TMEM50B: variants seen among roughly 807,000 people sequenced by gnomAD.
TMEM50B encodes transmembrane protein 50B, also known as HCV p7-trans-regulated protein 3.
A neutral mutation model predicts 23.4 loss-of-function variants in TMEM50B; 14 were observed. That is an observed-to-expected ratio of 0.60 (90% CI 0.39 to 0.93). TMEM50B has a LOEUF of 0.93. Among genes scored for constraint, TMEM50B ranks in the 40% least tolerant of loss-of-function variants. The probability of loss-of-function intolerance (pLI) is 0.00; values close to 1 mark genes in which losing one functional copy is unlikely to be tolerated. For synonymous variants in TMEM50B, 64 were observed against 62.3 expected, an observed-to-expected ratio of 1.03 and a Z score of -0.13; for missense variants, 159 against 193.0, an observed-to-expected ratio of 0.82 and a Z score of 1.04.
At chr21:33,453,864 G>A (rs2084144614) in intron 6 of TMEM50B, among the ~76,000 whole-genome samples, 2 of 152,104 alleles carry the variant, frequency 1.3e-5, no homozygotes, top group Admixed American at 6.5e-5. Flanking sequence ...ACCACTTTGG[G>A]AGGCTGAGGT....
At chr21:33,471,754 G>T (rs1361655529) in intron 1 of TMEM50B, among the ~76,000 whole-genome samples, 3 of 152,110 alleles carry the variant, frequency 2.0e-5, no homozygotes, top group Non-Finnish European at 4.4e-5. Flanking sequence ...AAATTCTAGG[G>T]GCTGGGCGCA....
At chr21:33,466,283 G>A (rs1057398141) in intron 3 of TMEM50B, among the ~76,000 whole-genome samples, 6 of 151,680 alleles carry the variant, frequency 4.0e-5, no homozygotes, top group South Asian at 2.1e-4. Context: ...ACCTCCTGAT[G>A]GTATAAGGAA....
At chr21:33,457,477 C>T (rs561186112) in intron 5 of TMEM50B, among the ~76,000 whole-genome samples, 2 of 151,994 alleles carry the variant, frequency 1.3e-5, no homozygotes, top group Non-Finnish European at 2.9e-5. Context: ...TGGTGAAACC[C>T]TGTCTCTACT....
chr21:33,458,919 C>G (rs1170970652), intron 5 of TMEM50B, among the ~76,000 whole-genome samples: 3 of 152,072 alleles, frequency 2.0e-5, no homozygotes, highest in Non-Finnish European at 4.4e-5. Flanking sequence ...TATTTTGTAT[C>G]AAGTGAAAGA....
chr21:33,450,792 A>T lies in TMEM50B; in HGVS notation c.*26T>A. 2 of 1,601,520 alleles carry T rather than the reference A, an allele frequency of 1.2e-6. No individual in the cohort carries two copies. The highest frequency in any genetic ancestry group is 1.7e-6 in the Non-Finnish European group (2 of 1,172,662). Reference sequence around the variant, plus strand: ...CTATCTACAAACAGAATATAACAAAAGGAAAATGTGACTTAAGAAGTGATC... The same window carrying T: ...CTATCTACAAACAGAATATAACAAATGGAAAATGTGACTTAAGAAGTGATC... On this transcript the variant is annotated 3_prime_UTR_variant, in exon 7 of 7. Coordinates refer to ENST00000542230, the MANE Select transcript of TMEM50B (RefSeq NM_006134.7).
downstream of TMEM50B, among the ~76,000 whole-genome samples, chr21:33,447,491 T>A (rs557665729): frequency 6.6e-6 from 1 of 152,144 alleles, no homozygotes; most frequent in South Asian, 2.1e-4. Flanking sequence ...CCTGAGTTGA[T>A]GTTGTGACTG....
Position 33,432,730 on chromosome 21 carries a change from G to C in TMEM50B, c.*2193C>G. 1 of 1,614,142 alleles carries C rather than the reference G, an allele frequency of 6.2e-7. No homozygotes were observed. Among genetic ancestry groups the C allele is most frequent in the Non-Finnish European group, 8.5e-7 (1 of 1,180,036 alleles). On this transcript the variant is annotated 3_prime_UTR_variant and NMD_transcript_variant, in exon 9 of 9. Coordinates refer to the TMEM50B transcript ENST00000420455. ...TCTTTTTAGCCTCCACTGAGCTTCA[G>C]CAAGTCATCCTGATCTCCGTGGGAA...
intron 2 of TMEM50B, chr21:33,468,524 G>A: frequency 2.6e-6 from 1 of 389,884 alleles, no homozygotes; most frequent in East Asian, 4.2e-5. Context: ...GTATCAGTAA[G>A]TTAAAAATGC....
intron 5 of TMEM50B, among the ~76,000 whole-genome samples, chr21:33,458,577 T>C (rs1276777123): frequency 6.6e-6 from 1 of 152,236 alleles, no homozygotes; most frequent in Middle Eastern, 3.4e-3. Flanking sequence ...AGTACATTAG[T>C]GGCTGCCTAG....
At chr21:33,465,941 T>C (rs1001820381) in intron 3 of TMEM50B, among the ~76,000 whole-genome samples, 3 of 152,150 alleles carry the variant, frequency 2.0e-5, no homozygotes, top group Admixed American at 1.3e-4. Flanking sequence ...TGGATATAAG[T>C]AGTTCCATTT....
At chr21:33,477,607 CGG>C (rs34758579) in intron 1 of TMEM50B, among the ~76,000 whole-genome samples, 115,752 of 149,720 alleles carry the variant, frequency 0.77, 45,001 homozygotes, top group East Asian at 0.98. Context: ...GAGGCCGAGG[CGG>C]GGGGGGGTTA....
intron 7 of TMEM50B, among the ~76,000 whole-genome samples, chr21:33,441,809 T>C (rs904100129): frequency 3.3e-5 from 5 of 152,242 alleles, no homozygotes; most frequent in Admixed American, 2.6e-4. Flanking sequence ...TTTTGTATTT[T>C]TAGTAGAGAT....
At position 33,449,270 on chromosome 21, in the gene TMEM50B, A is replaced by G. The variant is rs1167757161; in HGVS notation, c.*1548T>C. 1 of 152,268 alleles carries G rather than the reference A, an allele frequency of 6.6e-6. No individual in the cohort carries two copies. Among genetic ancestry groups the G allele is most frequent in the Non-Finnish European group, 1.5e-5 (1 of 68,044 alleles). 9.4% of individuals were successfully genotyped at this position (152,268 alleles called of 1,614,324 possible). ...AAAACAGCAAAGAAAGAAGTCATCA[A>G]ACAAGATGGTATCTTGACAAAGGCA... On this transcript the variant is annotated 3_prime_UTR_variant, in exon 7 of 7. Transcript: ENST00000542230.
At chr21:33,473,866 A>C (rs1054384821) in intron 1 of TMEM50B, among the ~76,000 whole-genome samples, 1 of 152,224 alleles carries the variant, frequency 6.6e-6, no homozygotes, top group African/African-American at 2.4e-5. Flanking sequence ...AAAAGGAAAG[A>C]GGTTCCTACT....
intron 4 of TMEM50B, among the ~76,000 whole-genome samples, chr21:33,461,355 T>C (rs1197322202): frequency 6.6e-6 from 1 of 152,204 alleles, no homozygotes; most frequent in Non-Finnish European, 1.5e-5. Flanking sequence ...ACAGCTGATA[T>C]CTGAGAGAAA....
intron 5 of TMEM50B, among the ~76,000 whole-genome samples, chr21:33,458,701 C>T (rs2084191325): frequency 6.6e-6 from 1 of 152,150 alleles, no homozygotes; most frequent in African/African-American, 2.4e-5. Context: ...ACTAAAAACA[C>T]TGAACTGCAT....
In TMEM50B at chr21:33,439,472, C is replaced by T. The variant is rs576879588; in HGVS notation, c.*2037-175G>A. Among the ~76,000 whole-genome samples, 4 of 152,084 alleles carry T rather than the reference C, an allele frequency of 2.6e-5. No homozygotes were observed. The South Asian group carries it at 6.2e-4, about 24-fold the overall frequency. ...TCACTTCACTGCAACCTCTGCCTTC[C>T]GGGTTCAAGCGATTTTTGTGCCTCA... On this transcript the variant is annotated intron_variant and NMD_transcript_variant, in intron 7 of 8. Transcript: ENST00000420455.
chr21:33,470,661 C>T (rs1024022475), intron 1 of TMEM50B, among the ~76,000 whole-genome samples: 3 of 151,966 alleles, frequency 2.0e-5, no homozygotes, highest in Admixed American at 1.3e-4. Flanking sequence ...GGCATGAACC[C>T]GGGAGGCGGG....
chr21:33,442,303 G>C (rs1010796955), intron 7 of TMEM50B, among the ~76,000 whole-genome samples: 2 of 152,088 alleles, frequency 1.3e-5, no homozygotes, highest in Non-Finnish European at 2.9e-5. Context: ...TGAAAGTGAC[G>C]TCTTTCTCCT....
Sources: allele counts gnomAD v4.1 joint callset (sites outside exome capture counted in the v4.1 genomes callset), GRCh38; gene constraint gnomAD v4.1.1; transcripts MANE v1.5; gene names NCBI Gene and HGNC (gene_info 2026-07-23, HGNC 2026-07-21).